NOD2: variants seen among roughly 807,000 people sequenced by gnomAD.
The protein encoded by NOD2 is nucleotide binding oligomerization domain containing 2.
In NOD2, 86 loss-of-function variants were observed where a neutral mutation model predicts 90.9. The observed-to-expected ratio is 0.95, with a 90% CI of 0.79 to 1.13. The LOEUF (loss-of-function observed/expected upper bound fraction) is 1.13. Among genes scored for constraint, NOD2 ranks in the 50% most tolerant of loss-of-function variants. NOD2 has a pLI of 0.00. For synonymous variants in NOD2, 581 were observed against 554.6 expected, an observed-to-expected ratio of 1.05 and a Z score of -0.67; for missense variants, 1,238 against 1,283.8, an observed-to-expected ratio of 0.96 and a Z score of 0.55.
chr16:50,718,664 G>A (rs1964908610), intron 6 of NOD2, among the ~76,000 whole-genome samples: 1 of 152,208 alleles, frequency 6.6e-6, no homozygotes, highest in South Asian at 2.1e-4. Context: ...CAATGTCTGT[G>A]TGCCTCCGTT....
At chr16:50,709,857 C>A in intron 3 of NOD2, 1 of 428,806 alleles carries the variant, frequency 2.3e-6, no homozygotes, top group South Asian at 1.6e-5. Flanking sequence ...TGAGAGTTTG[C>A]CATGTCAGAT....
intron 1 of NOD2, among the ~76,000 whole-genome samples, chr16:50,698,435 G>A (rs1963764593): frequency 1.3e-5 from 2 of 152,200 alleles, no homozygotes; most frequent in Admixed American, 6.5e-5. Flanking sequence ...CAGAACGCTC[G>A]GAAACAACTT....
At chr16:50,726,450 A>G (rs371181834) in intron 10 of NOD2, among the ~76,000 whole-genome samples, 1 of 152,166 alleles carries the variant, frequency 6.6e-6, no homozygotes, top group African/African-American at 2.4e-5. Context: ...TTGCTTTCAC[A>G]AGCTAGGAAG....
At chr16:50,730,706 A>C (rs1439546598) in intron 11 of NOD2, among the ~76,000 whole-genome samples, 2 of 152,180 alleles carry the variant, frequency 1.3e-5, no homozygotes, top group Non-Finnish European at 2.9e-5. Context: ...ACCAGAGTAC[A>C]AGAAGGGCTG....
At chr16:50,731,608 C>A (rs1455309569) in intron 11 of NOD2, 139 bp from the exon 12 acceptor site, 5 of 703,402 alleles carry the variant, frequency 7.1e-6, no homozygotes, top group Non-Finnish European at 1.3e-5. Context: ...ACAGCCCTGA[C>A]TTCCCTGCAA....
rs779036400 is a variant in NOD2, at chr16:50,719,857, G to C, written c.2550-68G>C. 58 of 1,419,026 alleles carry C rather than the reference G, an allele frequency of 4.1e-5. No homozygotes were observed. The Admixed American group carries it at 4.9e-4, about 12-fold the overall frequency. 87.9% of individuals were successfully genotyped at this position (1,419,026 alleles called of 1,614,324 possible). ...CTTTCTTCCTGTGTTTCCCTGGCCA[G>C]GGCACAGACGGCCCTCCTTTTCTGC... On this transcript the variant is annotated intron_variant, in intron 6 of 11. Transcript: ENST00000647318.
chr16:50,706,169 C>T (rs1964179568), intron 2 of NOD2, among the ~76,000 whole-genome samples: 1 of 152,146 alleles, frequency 6.6e-6, no homozygotes, highest in South Asian at 2.1e-4. Flanking sequence ...AGCCAAGGCC[C>T]AGAGGCAGGA....
In NOD2 at chr16:50,732,673, G is replaced by T. The variant is rs1281077423; in HGVS notation, c.*854G>T. The T allele has an allele frequency of 2.0e-5, 3 of 152,234 alleles. No homozygotes were observed. Among genetic ancestry groups the T allele is most frequent in the African/African-American group, 4.8e-5 (2 of 41,382 alleles). The allele number at this position is 152,234 out of a possible 1,614,324, so 9.4% of individuals were successfully genotyped here. A position where few individuals can be genotyped will look rare whatever the true frequency, so the allele number is the denominator to read the frequency against. On this transcript the variant is annotated 3_prime_UTR_variant, in exon 12 of 12. Coordinates refer to ENST00000647318, the MANE Select transcript of NOD2 (RefSeq NM_001370466.1). Reference sequence around the variant, plus strand: ...AATGCAGCTTTAAAAAATTAATCTGGGCCAGAATTTCAAACGGCCTCACTA... The same window carrying T: ...AATGCAGCTTTAAAAAATTAATCTGTGCCAGAATTTCAAACGGCCTCACTA...
intron 10 of NOD2, chr16:50,727,893 C>CTT: frequency 1.8e-4 from 49 of 265,900 alleles, no homozygotes; most frequent in East Asian, 4.9e-4. Flanking sequence ...TGACCATGAC[C>CTT]TTTTTTTTTT....
chr16:50,727,966 C>G (rs1965324422), intron 10 of NOD2: 1 of 266,878 alleles, frequency 3.7e-6, no homozygotes, highest in African/African-American at 2.2e-5. Flanking sequence ...CTGAGCTAGT[C>G]ATTGCCAGTT....
chr16:50,712,222 T>A lies in NOD2; in HGVS notation c.2230T>A (p.Phe744Ile). The A allele has an allele frequency of 1.2e-6, 2 of 1,613,878 alleles. No individual in the cohort carries two copies. The change falls in exon 4 of 12, where the codon TTT becomes ATT. Residue 744 changes from phenylalanine (F) to isoleucine (I), a missense_variant. Coordinates refer to ENST00000647318, the MANE Select transcript of NOD2 (RefSeq NM_001370466.1). ...GLNVGHLKLTFCSVGPTECAA... is the reference protein window; with the variant it reads ...GLNVGHLKLTICSVGPTECAA... ...GAATGTTGGGCACCTCAAGTTGACA[T>A]TTTGCAGTGTGGGCCCCACTGAGTG... is the stretch of plus-strand genomic sequence containing the variant.
intron 1 of NOD2, chr16:50,697,319 A>G (rs1456606557): frequency 6.4e-7 from 1 of 1,555,336 alleles, no homozygotes. Context: ...TTCTCCGGGT[A>G]AGAGGAGCAG....
rs104895427 is a variant in NOD2, at chr16:50,710,842, C to T, written c.850C>T (p.Arg284Trp). ...AGSGKSTLLQ[R>W]LHLLWAAGQD... Reference sequence around the variant, plus strand: ...CAGTGGCAAGAGCACGCTCCTGCAGCGGCTGCACTTGCTGTGGGCTGCAGG... The same window carrying T: ...CAGTGGCAAGAGCACGCTCCTGCAGTGGCTGCACTTGCTGTGGGCTGCAGG... Residue 284 changes from arginine (R) to tryptophan (W), a missense_variant, in exon 4 of 12, where the codon CGG (arginine) becomes TGG (tryptophan). This residue lies in a region of NOD2 where 567 missense variants were observed against 577.3 expected (regional missense o/e 0.98). Transcript: ENST00000647318. The T allele has an allele frequency of 6.6e-4, 1,067 of 1,614,058 alleles. 6 individuals carry two copies. Among genetic ancestry groups the T allele is most frequent in the East Asian group, 5.2e-3 (232 of 44,876 alleles).
At chr16:50,722,247 G>T (rs1965091998) in intron 7 of NOD2, among the ~76,000 whole-genome samples, 1 of 152,172 alleles carries the variant, frequency 6.6e-6, no homozygotes, top group Non-Finnish European at 1.5e-5. Context: ...GGTACTGGAG[G>T]GTAGCTAAGG....
chr16:50,719,871 C>G, intron 6 of NOD2, 54 bp from the exon 7 acceptor site: 1 of 1,532,672 alleles, frequency 6.5e-7, no homozygotes. Flanking sequence ...ACAGACGGCC[C>G]TCCTTTTCTG....
At chr16:50,731,141 G>A (rs772664667) in intron 11 of NOD2, among the ~76,000 whole-genome samples, 4 of 152,094 alleles carry the variant, frequency 2.6e-5, no homozygotes, top group South Asian at 4.2e-4. Flanking sequence ...CTGCACAGGC[G>A]ACAGAATTAG....
intron 10 of NOD2, among the ~76,000 whole-genome samples, chr16:50,727,167 A>G (rs896295529): frequency 6.6e-6 from 1 of 151,906 alleles, no homozygotes; most frequent in African/African-American, 2.4e-5. Flanking sequence ...GATGAGAAAA[A>G]TAATAATTTA....
chr16:50,716,043 C>T (rs1964776462), intron 4 of NOD2, among the ~76,000 whole-genome samples: 1 of 152,140 alleles, frequency 6.6e-6, no homozygotes. Context: ...TCGGCAGGGA[C>T]TAGCCTGTTG....
At position 50,716,700 on chromosome 16, in the gene NOD2, C is replaced by T. The variant is rs1445728913; in HGVS notation, c.2465+30C>T. The T allele has an allele frequency of 2.5e-6, 4 of 1,604,218 alleles. No homozygotes were observed. The African/African-American group carries it at 5.3e-5, about 21-fold the overall frequency. The stretch of plus-strand genomic sequence containing the variant: ...GTCAGCCTGGGCTGTGGACAATGGG[C>T]TCCAAGTGCCCTGGTCTCACCCCAG... On this transcript the variant is annotated intron_variant, in intron 5 of 11. Coordinates refer to ENST00000647318, the MANE Select transcript of NOD2 (RefSeq NM_001370466.1).
Sources: gnomAD v4.1 joint callset for allele counts (sites outside exome capture counted in the v4.1 genomes callset) on GRCh38, gnomAD v4.1.1 for gene constraint, gnomAD v4.1.1 regional missense constraint, MANE v1.5 for transcripts, NCBI Gene and HGNC (gene_info 2026-07-23, HGNC 2026-07-21) for gene names.